ADAMTSL1: variants seen among roughly 807,000 people sequenced by gnomAD.
ADAMTSL1 encodes ADAMTS like 1.
ADAMTSL1 carries 126 observed loss-of-function variants against 201.8 expected under a neutral mutation model. That is an observed-to-expected ratio of 0.62 (90% CI 0.54 to 0.72). The LOEUF (loss-of-function observed/expected upper bound fraction) is 0.72. Among genes scored for constraint, ADAMTSL1 ranks in the 30% least tolerant of loss-of-function variants. ADAMTSL1 has a pLI of 0.00. For synonymous variants in ADAMTSL1, 1,121 were observed against 903.4 expected (o/e 1.24, Z -4.32); for missense variants, 2,679 against 2,277.8 (o/e 1.18, Z -3.59).
chr9:18,159,105 A>G (rs970433393), intron 1 of ADAMTSL1, among the ~76,000 whole-genome samples: 1 of 152,050 alleles, frequency 6.6e-6, no homozygotes, highest in Non-Finnish European at 1.5e-5. Context: ...TGTACATTCA[A>G]ATAATACAGT....
chr9:18,454,022 A>G (rs983737341), intron 2 of ADAMTSL1, among the ~76,000 whole-genome samples: 1 of 152,226 alleles, frequency 6.6e-6, no homozygotes, highest in African/African-American at 2.4e-5. Flanking sequence ...ATAGACAGAT[A>G]CAGATATCGG....
chr9:18,601,915 G>A (rs573538765), intron 4 of ADAMTSL1, among the ~76,000 whole-genome samples: 2 of 152,096 alleles, frequency 1.3e-5, no homozygotes, highest in African/African-American at 4.8e-5. Context: ...TTTTAAAAAT[G>A]ACATTTTTAT....
At chr9:18,549,772 T>G (rs1466864710) in intron 3 of ADAMTSL1, among the ~76,000 whole-genome samples, 2 of 152,010 alleles carry the variant, frequency 1.3e-5, no homozygotes, top group Admixed American at 6.6e-5. Flanking sequence ...AGTTCTGTCT[T>G]TCTTGCTTTA....
At chr9:18,475,461 C>T (rs1369715271) in intron 1 of ADAMTSL1, among the ~76,000 whole-genome samples, 3 of 152,050 alleles carry the variant, frequency 2.0e-5, no homozygotes, top group Non-Finnish European at 4.4e-5. Flanking sequence ...TTATACATTC[C>T]CACTTCTTAA....
intron 1 of ADAMTSL1, among the ~76,000 whole-genome samples, chr9:17,910,331 A>G (rs1333363783): frequency 1.4e-5 from 1 of 69,244 alleles, no homozygotes; most frequent in African/African-American, 2.9e-5. Flanking sequence ...GATCCAGCAA[A>G]GATGCTAAAA....
intron 9 of ADAMTSL1, among the ~76,000 whole-genome samples, chr9:18,665,512 A>G (rs1829375617): frequency 6.6e-6 from 1 of 152,172 alleles, no homozygotes; most frequent in Non-Finnish European, 1.5e-5. Flanking sequence ...TAGGAAGTTT[A>G]CAACAGCTTC....
intron 2 of ADAMTSL1, among the ~76,000 whole-genome samples, chr9:18,352,019 G>A (rs1835986264): frequency 6.6e-6 from 1 of 151,994 alleles, no homozygotes; most frequent in African/African-American, 2.4e-5. Flanking sequence ...TAATAGATGG[G>A]ATTTCTTGTC....
rs1457523836 is a variant in ADAMTSL1, at chr9:18,828,661, TATATATATATA to T, written c.4115-1181_4115-1171del. ...AAAAGGATTCTTTTGAAAGTATATT[TATATATATATA>T]TATATATATATATATATATATAAAA... On this transcript the variant is annotated intron_variant, in intron 22 of 28. Transcript: ENST00000380548. Among the ~76,000 whole-genome samples the T allele has an allele frequency of 4.0e-3, 239 of 60,440 alleles. 30 individuals are homozygous for T. The South Asian group carries it at 0.15, about 37-fold the overall frequency. 39.7% of individuals were successfully genotyped at this position (60,440 alleles called of 152,430 possible).
At chr9:18,127,730 A>G (rs1825797776) in intron 1 of ADAMTSL1, among the ~76,000 whole-genome samples, 1 of 152,122 alleles carries the variant, frequency 6.6e-6, no homozygotes, top group Admixed American at 6.5e-5. Context: ...GTGGGGAAAA[A>G]GGGGAGGTGT....
intron 4 of ADAMTSL1, among the ~76,000 whole-genome samples, chr9:18,609,522 A>T (rs1167907877): frequency 1.2e-4 from 18 of 152,124 alleles, no homozygotes; most frequent in Non-Finnish European, 2.9e-5. Context: ...TTGTGATCTT[A>T]CTTCCTATAT....
chr9:18,048,591 A>G (rs60785805), intron 1 of ADAMTSL1, among the ~76,000 whole-genome samples: 3,987 of 152,240 alleles, frequency 0.026, 82 homozygotes, highest in African/African-American at 0.065. Flanking sequence ...ATATATGGGG[A>G]TTCTCTGTAC....
At chr9:18,776,697 C>G in intron 18 of ADAMTSL1, 84 bp from the exon 19 acceptor site, 1 of 1,390,136 alleles carries the variant, frequency 7.2e-7, no homozygotes, top group Admixed American at 2.7e-5. Context: ...CTTTCCTTTG[C>G]CCCTCTCTCC....
intron 1 of ADAMTSL1, among the ~76,000 whole-genome samples, chr9:18,054,606 G>A (rs1822089596): frequency 6.6e-6 from 1 of 152,132 alleles, no homozygotes; most frequent in East Asian, 1.9e-4. Context: ...CCACCATCGG[G>A]GGGCTAGTGA....
chr9:18,409,998 C>G (rs1818367473), intron 2 of ADAMTSL1, among the ~76,000 whole-genome samples: 1 of 151,436 alleles, frequency 6.6e-6, no homozygotes, highest in Non-Finnish European at 1.5e-5. Context: ...TGCTTTCTTC[C>G]TGAGTTTAAA....
Position 18,390,045 on chromosome 9 carries a change from T to C in ADAMTSL1, c.208-114784T>C, listed in dbSNP as rs561873722. Among the ~76,000 whole-genome samples the C allele has an allele frequency of 2.8e-4, 43 of 152,226 alleles. No individual in the cohort carries two copies. The South Asian group carries it at 8.5e-3, about 30-fold the overall frequency. ...ATCCTAAATGAGTATTTGATGAAAT[T>C]TGGGCAGGTTAAAAATTAGAATAAG... On this transcript the variant is annotated intron_variant, in intron 2 of 29. Coordinates refer to the ADAMTSL1 transcript ENST00000680146.
chr9:17,914,111 A>T (rs1168583511), intron 1 of ADAMTSL1, among the ~76,000 whole-genome samples: 3 of 152,234 alleles, frequency 2.0e-5, no homozygotes, highest in African/African-American at 4.8e-5. Context: ...AACTGGTACC[A>T]TTCCTTCTGA....
chr9:18,024,544 G>A (rs1820614149), intron 1 of ADAMTSL1, among the ~76,000 whole-genome samples: 2 of 152,116 alleles, frequency 1.3e-5, no homozygotes, highest in East Asian at 3.9e-4. Context: ...GAGTTAATTT[G>A]CTTAGAAAAA....
chr9:17,939,125 A>G (rs1165817536), intron 1 of ADAMTSL1, among the ~76,000 whole-genome samples: 1 of 152,110 alleles, frequency 6.6e-6, no homozygotes, highest in African/African-American at 2.4e-5. Flanking sequence ...GCTTATTTAT[A>G]CAGTTTCACA....
At chr9:18,359,899 A>G (rs1184299040) in intron 2 of ADAMTSL1, among the ~76,000 whole-genome samples, 1 of 131,836 alleles carries the variant, frequency 7.6e-6, no homozygotes, top group Non-Finnish European at 1.5e-5. Context: ...CTTGTTAAGT[A>G]ACTTTGAAAA....
Sources: allele counts gnomAD v4.1 joint callset (sites outside exome capture counted in the v4.1 genomes callset), GRCh38; gene constraint gnomAD v4.1.1; transcripts MANE v1.5; gene names NCBI Gene and HGNC (gene_info 2026-07-23, HGNC 2026-07-21).